Variants in NOL6 observed in about 807,000 individuals in gnomAD.
The protein encoded by NOL6 is nucleolar RNA-associated protein.
Under a neutral mutation model 131.7 loss-of-function variants are expected in NOL6, and 33 were observed. That is an observed-to-expected ratio of 0.25 (90% CI 0.19 to 0.33). The LOEUF (loss-of-function observed/expected upper bound fraction) is 0.33, where lower values mean the gene tolerates loss of function less well. Ranked by LOEUF, NOL6 falls within the 10% of genes least tolerant of loss-of-function variation. The pLI, the probability that NOL6 is intolerant of heterozygous loss-of-function variation, is 1.00. For synonymous variants in NOL6, 580 were observed against 605.7 expected, an observed-to-expected ratio of 0.96 and a Z score of 0.62; for missense variants, 1,297 against 1,494.5, an observed-to-expected ratio of 0.87 and a Z score of 2.18.
At chr9:33,462,983 C>T in intron 25 of NOL6, 50 bp downstream of exon 25, 1 of 1,575,588 alleles carries the variant, frequency 6.3e-7, no homozygotes, top group Non-Finnish European at 8.7e-7. Flanking sequence ...CATGCCCACA[C>T]AGAACCACGT....
Position 33,472,097 on chromosome 9 carries a change from T to C in NOL6, c.285A>G (p.Val95=). ...RLQVEELLKE[V]RLSEKKKDRI... is the part of the protein sequence containing the mutation. ...GATCCTTCTTCTTCTCTGACAGCCT[T>C]ACTTCCTTTAGTAGCTCCTCTACCT... Residue 95 remains valine, a synonymous_variant, in exon 3 of 26, where the codon GTA becomes GTG. Transcript: ENST00000297990. The C allele has an allele frequency of 6.2e-7, 1 of 1,614,172 alleles. No individual in the cohort carries two copies. Among genetic ancestry groups the C allele is most frequent in the Non-Finnish European group, 8.5e-7 (1 of 1,180,018 alleles).
chr9:33,467,583 T>C lies in NOL6; in HGVS notation c.1603-67A>G. The C allele has an allele frequency of 6.3e-7, 1 of 1,593,746 alleles. No individual in the cohort carries two copies. On this transcript the variant is annotated intron_variant, in intron 12 of 25. Coordinates refer to ENST00000297990, the MANE Select transcript of NOL6 (RefSeq NM_022917.5). This position sits in a 1 kb window ranked among gnomAD's most constrained non-coding sequence, Gnocchi z 4.4. The stretch of plus-strand genomic sequence containing the variant: ...CAGCCTGGCCTAGAAACCTACTTTC[T>C]AGCTAGCTAGAAACGCCTAGCTGGA...
intron 20 of NOL6, 70 bp from the exon 21 acceptor site, chr9:33,465,046 A>C: frequency 2.0e-6 from 3 of 1,478,230 alleles, no homozygotes; most frequent in South Asian, 1.2e-5. Flanking sequence ...CAGGCTATGG[A>C]GCTCAGACCC....
At chr9:33,465,707 AG>A (rs766175138) in intron 19 of NOL6, 26 bp downstream of exon 19, 6 of 1,602,092 alleles carry the variant, frequency 3.7e-6, no homozygotes, top group Non-Finnish European at 2.6e-6. Flanking sequence ...GCCTACAGAC[AG>A]GAAGAAGCTG....
intron 20 of NOL6, 113 bp downstream of exon 20, chr9:33,465,094 C>T: frequency 6.9e-7 from 1 of 1,457,752 alleles, no homozygotes; most frequent in Non-Finnish European, 9.4e-7. Flanking sequence ...TCTTAGAACC[C>T]CTTCTGCCAC....
chr9:33,465,720 G>A lies in NOL6; in HGVS notation c.2528+14C>T. 1 of 1,608,052 alleles carries A rather than the reference G, an allele frequency of 6.2e-7. No individual in the cohort carries two copies. The highest frequency in any genetic ancestry group is 1.1e-5 in the South Asian group (1 of 90,368). On this transcript the variant is annotated intron_variant, in intron 19 of 25. Transcript: ENST00000297990. ...GGGCCTACAGACAGGAAGAAGCTGT[G>A]TCAGTGGCCTTACCCGTGCAGGGCA...
rs1490518508 is a variant in NOL6, at chr9:33,466,988, C to G, written c.1875-1G>C. 1 of 1,614,038 alleles carries G rather than the reference C, an allele frequency of 6.2e-7. No individual in the cohort carries two copies. The highest frequency in any genetic ancestry group is 8.5e-7 in the Non-Finnish European group (1 of 1,180,026). ...ACAGGTTTCTGGGATGTCAGCATGG[C>G]TGAAAAAGAGGCAGAGACACAGTGA... On this transcript the variant is annotated splice_acceptor_variant, in intron 14 of 25. Coordinates refer to ENST00000297990, the MANE Select transcript of NOL6 (RefSeq NM_022917.5). LOFTEE classifies it high-confidence loss of function.
rs750312866 is a variant in NOL6 at position 33,467,976 on chromosome 9, T to C, written c.1424+54A>G. 31 of 1,613,002 alleles carry C rather than the reference T, an allele frequency of 1.9e-5. No individual in the cohort carries two copies. In the African/African-American group the frequency reaches 3.7e-4, roughly 19 times the overall value. On this transcript the variant is annotated intron_variant, in intron 11 of 25. Transcript: ENST00000297990. The surrounding 1 kb of genome is among the most constrained non-coding windows in gnomAD (Gnocchi z 4.4). ...TGTCTGAAGACCTTTGCCCCACCAC[T>C]GTAGCCCCGAAGAGACAGGACCCGC...
chr9:33,463,091 C>T lies in NOL6; in HGVS notation c.3233G>A (p.Gly1078Asp). 1 of 1,613,988 alleles carries T rather than the reference C, an allele frequency of 6.2e-7. No homozygotes were observed. Among genetic ancestry groups the T allele is most frequent in the Non-Finnish European group, 8.5e-7 (1 of 1,179,924 alleles). Residue 1078 changes from glycine to aspartate, a missense_variant, in exon 25 of 26, where the codon GGT becomes GAT. Gly to Asp is a moderately conservative substitution (Grantham distance 94). Coordinates refer to ENST00000297990, the MANE Select transcript of NOL6 (RefSeq NM_022917.5). Reference sequence around the variant, plus strand: ...CCAGAGGACACCAATCACCTCTCCACCATGCTGGTCATAGAAGAAAAGGGC... The same window carrying T: ...CCAGAGGACACCAATCACCTCTCCATCATGCTGGTCATAGAAGAAAAGGGC... ...DLALFFYDQH[G>D]GEVIGVLWKP...
chr9:33,472,678 C>T (rs1239043906), intron 1 of NOL6: 5 of 516,522 alleles, frequency 9.7e-6, no homozygotes, highest in African/African-American at 3.8e-5. Context: ...GTGATAGAAG[C>T]TGACTGGGCC....
rs1563874682 is a variant in NOL6 at position 33,462,138 on chromosome 9, T to C, written c.*526A>G. 5.6e-6 allele frequency: 4 copies of C among 717,380 alleles called. No homozygotes were observed. The highest frequency in any genetic ancestry group is 1.0e-5 in the Non-Finnish European group (4 of 385,090). 44.4% of individuals were successfully genotyped at this position (717,380 alleles called of 1,614,324 possible). On this transcript the variant is annotated 3_prime_UTR_variant, in exon 26 of 26. Coordinates refer to ENST00000297990, the MANE Select transcript of NOL6 (RefSeq NM_022917.5). The stretch of plus-strand genomic sequence containing the variant: ...GTGCTCCTTCAATGTGGTCTATTCA[T>C]ACACATATAGCCCCTTTCCACTGCT...
At chr9:33,463,214 C>G (rs774090775) in intron 24 of NOL6, 33 bp downstream of exon 24, 1 of 1,610,320 alleles carries the variant, frequency 6.2e-7, no homozygotes, top group African/African-American at 1.3e-5. Flanking sequence ...CTGGAAGTCC[C>G]CTCCCCAGGT....
At chr9:33,465,164 C>A (rs146217512) in intron 20 of NOL6, 43 bp downstream of exon 20, 2 of 1,561,650 alleles carry the variant, frequency 1.3e-6, no homozygotes, top group Admixed American at 3.8e-5. Context: ...GATGGCTGGC[C>A]GCAAGGAAAC....
intron 5 of NOL6, 25 bp downstream of exon 5, chr9:33,469,474 C>A (rs1370426942): frequency 6.3e-7 from 1 of 1,595,158 alleles, no homozygotes; most frequent in South Asian, 1.1e-5. Context: ...CATGCTATGC[C>A]CTCAGCCCAA....
At position 33,466,874 on chromosome 9, in the gene NOL6, T is replaced by A. The variant is rs769150365; in HGVS notation, c.1950+38A>T. The A allele has an allele frequency of 1.9e-6, 3 of 1,601,186 alleles. No individual in the cohort carries two copies. The South Asian group carries it at 3.3e-5, about 18-fold the overall frequency. On this transcript the variant is annotated intron_variant, in intron 15 of 25. Transcript: ENST00000297990. ...GAGGACTCTCTCCCCGCAGATTGAT[T>A]ACTCTACAATCACTAGCCTTGACCC...
chr9:33,464,219 T>A (rs1014435179), intron 21 of NOL6, 58 bp from the exon 22 acceptor site: 1 of 1,532,862 alleles, frequency 6.5e-7, no homozygotes, highest in East Asian at 2.3e-5. Flanking sequence ...CACCCTCTAC[T>A]CCCCCAGGTC....
In NOL6 at chr9:33,466,367, C is replaced by T. The variant is rs915065164; in HGVS notation, c.2150G>A (p.Arg717Gln). 5 of 1,614,088 alleles carry T rather than the reference C, an allele frequency of 3.1e-6. No individual in the cohort carries two copies. The highest frequency in any genetic ancestry group is 1.6e-4 in the Middle Eastern group (1 of 6,084). The change falls in exon 17 of 26, where the codon CGG (arginine) becomes CAG (glutamine). Residue 717 changes from arginine to glutamine, a missense_variant. Arg to Gln is a conservative substitution (Grantham distance 43). Coordinates refer to ENST00000297990, the MANE Select transcript of NOL6 (RefSeq NM_022917.5). ...AFSFYETLRE[R>Q]SSLLPRLDKP... ...ATCGAGCCGGGGCAGCAGTGAGGAC[C>T]GCTCCCGCAGAGTCTCATAGAAGGA...
Position 33,472,428 on chromosome 9 carries a change from G to A in NOL6, c.55-16C>T, listed in dbSNP as rs775178455. On this transcript the variant is annotated splice_polypyrimidine_tract_variant and intron_variant, in intron 1 of 25. Transcript: ENST00000297990. ...GTTCCATCACCTGTGGCCAGTGAGG[G>A]AGAAGCCATTTTGAGGTAATAGGTA... 1.9e-6 allele frequency: 3 copies of A among 1,607,896 alleles called. No homozygotes were observed. Among genetic ancestry groups the A allele is most frequent in the Non-Finnish European group, 2.6e-6 (3 of 1,176,402 alleles).
chr9:33,464,983 G>A lies in NOL6; in HGVS notation c.2682-7C>T. 1 of 1,608,980 alleles carries A rather than the reference G, an allele frequency of 6.2e-7. No homozygotes were observed. Among genetic ancestry groups the A allele is most frequent in the Non-Finnish European group, 8.5e-7 (1 of 1,175,610 alleles). The stretch of plus-strand genomic sequence containing the variant: ...GAAGCCAACCTGGGGGGAACTAAAG[G>A]GCTGGAGTAAGCAAAGAATCCAGGG... On this transcript the variant is annotated splice_polypyrimidine_tract_variant and splice_region_variant and intron_variant, in intron 20 of 25. Coordinates refer to ENST00000297990, the MANE Select transcript of NOL6 (RefSeq NM_022917.5).
Sources: gnomAD v4.1 joint callset for allele counts on GRCh38, gnomAD v4.1.1 for gene constraint, Gnocchi (gnomAD v3.1) non-coding constraint, MANE v1.5 for transcripts, NCBI Gene and HGNC (gene_info 2026-07-23, HGNC 2026-07-21) for gene names.